Variants in NDST4 observed in about 807,000 individuals in gnomAD.
The protein encoded by NDST4 is N-deacetylase and N-sulfotransferase 4, also known as N-heparan sulfate sulfotransferase 4.
A neutral mutation model predicts 100.8 loss-of-function variants in NDST4; 63 were observed. That is an observed-to-expected ratio of 0.62 (90% confidence interval 0.51 to 0.77). The LOEUF is 0.77. Ranked by LOEUF, NDST4 falls within the 30% of genes least tolerant of loss-of-function variation. The probability of loss-of-function intolerance (pLI) is 0.00; values close to 1 mark genes in which losing one functional copy is unlikely to be tolerated. For synonymous variants in NDST4, 377 were observed against 361.8 expected, an observed-to-expected ratio of 1.04 and a Z score of -0.48; for missense variants, 943 against 1,018.4, an observed-to-expected ratio of 0.93 and a Z score of 1.01.
chr4:114,902,168 T>G (rs888720289), intron 6 of NDST4, among the ~76,000 whole-genome samples: 16 of 152,036 alleles, frequency 1.1e-4, no homozygotes, highest in African/African-American at 3.9e-4. Context: ...ACTTATTTTT[T>G]TCTCAAATTA....
At chr4:114,985,991 T>C (rs115073406) in intron 2 of NDST4, among the ~76,000 whole-genome samples, 3,188 of 152,208 alleles carry the variant, frequency 0.021, 59 homozygotes, top group Non-Finnish European at 0.033. Context: ...TTACACAGGA[T>C]TGGAGGGTAA....
chr4:115,095,060 A>G (rs1157596948), intron 1 of NDST4, among the ~76,000 whole-genome samples: 1 of 152,178 alleles, frequency 6.6e-6, no homozygotes, highest in African/African-American at 2.4e-5. Context: ...GCTGTCTACC[A>G]AGAATTCCAG....
chr4:114,962,498 A>G (rs981783000), intron 4 of NDST4, among the ~76,000 whole-genome samples: 8 of 152,086 alleles, frequency 5.3e-5, no homozygotes, highest in African/African-American at 9.7e-5. Context: ...ACAAATATCA[A>G]TTGTACTTCT....
intron 2 of NDST4, among the ~76,000 whole-genome samples, chr4:114,987,581 C>T (rs1263960814): frequency 6.6e-6 from 1 of 151,888 alleles, no homozygotes; most frequent in Non-Finnish European, 1.5e-5. Flanking sequence ...AGTGGTAAAC[C>T]AAACTATGAT....
chr4:114,903,743 G>C (rs1030829447), intron 6 of NDST4, among the ~76,000 whole-genome samples: 2 of 151,868 alleles, frequency 1.3e-5, no homozygotes, highest in Non-Finnish European at 2.9e-5. Context: ...TCTCTGGATT[G>C]ATTTACAATA....
chr4:114,926,787 G>C (rs1318651738), intron 6 of NDST4, among the ~76,000 whole-genome samples: 2 of 152,036 alleles, frequency 1.3e-5, no homozygotes, highest in African/African-American at 2.4e-5. Context: ...AACTTTTCAA[G>C]GTTATTTAAT....
rs193058472 is a variant in NDST4 at position 115,060,639 on chromosome 4, A to G, written c.978+15420T>C. ...CTAATTGTGATGGTCCACCTTAGGT[A>G]TATGTTAAATATTATTTGGGAAGAC... On this transcript the variant is annotated intron_variant, in intron 2 of 13. Transcript: ENST00000264363. Among the ~76,000 whole-genome samples, 193 of 152,088 alleles carry G rather than the reference A, an allele frequency of 1.3e-3. 2 individuals carry two copies. The highest frequency in any genetic ancestry group is 4.4e-3 in the African/African-American group (181 of 41,484).
intron 2 of NDST4, among the ~76,000 whole-genome samples, chr4:114,977,524 A>G (rs1363848591): frequency 2.6e-5 from 4 of 151,978 alleles, no homozygotes; most frequent in Non-Finnish European, 5.9e-5. Context: ...GCAATTGTCC[A>G]ACTCCACAGC....
At chr4:115,014,266 T>C (rs1727625533) in intron 2 of NDST4, among the ~76,000 whole-genome samples, 1 of 152,080 alleles carries the variant, frequency 6.6e-6, no homozygotes, top group Non-Finnish European at 1.5e-5. Flanking sequence ...TGCAGGAACC[T>C]TGATCACACT....
At chr4:114,970,273 A>G (rs1264307173) in intron 4 of NDST4, among the ~76,000 whole-genome samples, 157 bp downstream of exon 4, 2 of 152,236 alleles carry the variant, frequency 1.3e-5, no homozygotes, top group Non-Finnish European at 2.9e-5. Context: ...CTGAAACAAA[A>G]TATCACAAAG....
chr4:114,878,012 G>C (rs764161114), intron 6 of NDST4, among the ~76,000 whole-genome samples: 1 of 150,628 alleles, frequency 6.6e-6, no homozygotes, highest in South Asian at 2.1e-4. Flanking sequence ...AAAGGAAGAA[G>C]AGAAAAGAAA....
At chr4:114,919,215 T>C (rs537124645) in intron 6 of NDST4, among the ~76,000 whole-genome samples, 1 of 152,240 alleles carries the variant, frequency 6.6e-6, no homozygotes, top group African/African-American at 2.4e-5. Flanking sequence ...CCCACAGCAA[T>C]AAAAATGTGG....
intron 2 of NDST4, among the ~76,000 whole-genome samples, chr4:115,034,589 T>G (rs941308298): frequency 5.3e-5 from 8 of 152,150 alleles, no homozygotes; most frequent in Non-Finnish European, 1.2e-4. Context: ...GCTTTAAAGA[T>G]ATATGTTTAC....
chr4:115,091,557 T>C (rs1007616348), intron 1 of NDST4, among the ~76,000 whole-genome samples: 3 of 152,166 alleles, frequency 2.0e-5, no homozygotes, highest in African/African-American at 7.2e-5. Flanking sequence ...AATGGCATTA[T>C]AATTTATTTG....
intron 2 of NDST4, among the ~76,000 whole-genome samples, chr4:115,032,489 CATTCAT>C (rs1281985297): frequency 6.6e-6 from 1 of 152,076 alleles, no homozygotes; most frequent in Non-Finnish European, 1.5e-5. Flanking sequence ...GCTAAATCCT[CATTCAT>C]TCAGAAACCA....
At chr4:114,894,036 A>G (rs1375595689) in intron 6 of NDST4, among the ~76,000 whole-genome samples, 7 of 152,130 alleles carry the variant, frequency 4.6e-5, no homozygotes, top group Admixed American at 4.6e-4. Context: ...TTTGTTGAAG[A>G]TCAGATGGTT....
chr4:114,832,358 G>C (rs914053661), intron 12 of NDST4, among the ~76,000 whole-genome samples: 7 of 152,066 alleles, frequency 4.6e-5, no homozygotes, highest in East Asian at 1.9e-4. Context: ...TCTAATTGCT[G>C]GTTCTAATCT....
chr4:115,012,525 T>A (rs987697841), intron 2 of NDST4, among the ~76,000 whole-genome samples: 5 of 152,162 alleles, frequency 3.3e-5, no homozygotes, highest in African/African-American at 7.2e-5. Context: ...AAATAAACAG[T>A]TAATATTGAA....
At chr4:115,105,396 T>TA (rs1729814787) in intron 1 of NDST4, among the ~76,000 whole-genome samples, 1 of 152,166 alleles carries the variant, frequency 6.6e-6, no homozygotes, top group Non-Finnish European at 1.5e-5. Context: ...ATTTTCTTTA[T>TA]AAAATGGTAC....
Sources: gnomAD v4.1 joint callset for allele counts (sites outside exome capture counted in the v4.1 genomes callset) on GRCh38, gnomAD v4.1.1 for gene constraint, MANE v1.5 for transcripts, NCBI Gene and HGNC (gene_info 2026-07-23, HGNC 2026-07-21) for gene names.